Variants in HDAC9 observed in about 807,000 individuals in gnomAD.
HDAC9 encodes histone deacetylase 9, also known as MEF-2 interacting transcription repressor (MITR) protein.
A neutral mutation model predicts 139.4 loss-of-function variants in HDAC9; 41 were observed. The ratio of observed to expected loss-of-function variants is 0.29; its 90% CI spans 0.23 to 0.38. HDAC9 has a LOEUF of 0.38. HDAC9 is among the 10% of genes least tolerant of loss of function. The pLI is 1.00. For missense variants in HDAC9, 1,147 were observed against 1,297.0 expected (o/e 0.88, Z 1.78); for synonymous variants, 517 against 476.2 (o/e 1.09, Z -1.12).
intron 1 of HDAC9, among the ~76,000 whole-genome samples, chr7:18,140,789 C>T (rs1451110887): frequency 6.6e-6 from 1 of 151,700 alleles, no homozygotes; most frequent in Non-Finnish European, 1.5e-5. Flanking sequence ...TATATATATT[C>T]TGTTTTTTAT....
intron 22 of HDAC9, among the ~76,000 whole-genome samples, chr7:18,924,546 A>T (rs1804042218): frequency 6.6e-6 from 1 of 152,112 alleles, no homozygotes; most frequent in Non-Finnish European, 1.5e-5. Context: ...TGGGAAATGC[A>T]ATTCCAAGGA....
intron 1 of HDAC9, among the ~76,000 whole-genome samples, chr7:18,354,767 T>C (rs906889974): frequency 3.3e-5 from 5 of 152,312 alleles, no homozygotes; most frequent in African/African-American, 1.2e-4. Flanking sequence ...AAAAGGCAAT[T>C]CATCAATTGG....
intron 16 of HDAC9, among the ~76,000 whole-genome samples, chr7:18,791,119 G>A (rs1792268391): frequency 6.6e-6 from 1 of 152,128 alleles, no homozygotes; most frequent in African/African-American, 2.4e-5. Flanking sequence ...AGCACTCTCT[G>A]CTGCTGGAAT....
rs145221342 is a variant in HDAC9 at position 18,459,507 on chromosome 7, A to G, written c.-41-36755A>G. ...ATTTGTCTTCTGGGGAAGCAATTTTATAACAGGTAATGTAAGCTTCCTTTG... is the reference window on the plus strand; with the variant it reads ...ATTTGTCTTCTGGGGAAGCAATTTTGTAACAGGTAATGTAAGCTTCCTTTG... On this transcript the variant is annotated intron_variant, in intron 1 of 3. Transcript: ENST00000413509. Among the ~76,000 whole-genome samples the G allele has an allele frequency of 5.7e-3, 873 of 152,194 alleles. 8 individuals carry two copies. The Middle Eastern group carries it at 0.061, about 11-fold the overall frequency.
intron 15 of HDAC9, 55 bp from the exon 16 acceptor site, chr7:18,767,051 T>C: frequency 1.2e-6 from 1 of 852,956 alleles, no homozygotes; most frequent in African/African-American, 1.8e-5. Flanking sequence ...GCCAACATTT[T>C]AAAAATTATA....
intron 1 of HDAC9, among the ~76,000 whole-genome samples, chr7:18,155,369 A>G (rs902223763): frequency 2.0e-5 from 3 of 152,160 alleles, no homozygotes; most frequent in African/African-American, 7.2e-5. Context: ...CCCAGTGTTT[A>G]AAAATCAAGG....
intron 2 of HDAC9, among the ~76,000 whole-genome samples, chr7:18,245,348 T>C (rs527815324): frequency 1.3e-5 from 2 of 152,310 alleles, no homozygotes; most frequent in African/African-American, 2.4e-5. Flanking sequence ...ACCCCTGACT[T>C]TTCTATGTAT....
chr7:18,963,381 A>C (rs1448440904), intron 24 of HDAC9, among the ~76,000 whole-genome samples: 1 of 152,196 alleles, frequency 6.6e-6, no homozygotes, highest in African/African-American at 2.4e-5. Context: ...ATGTATTTCT[A>C]ATTTAGACCC....
intron 24 of HDAC9, among the ~76,000 whole-genome samples, chr7:18,973,747 T>G (rs556117069): frequency 7.5e-4 from 114 of 152,310 alleles, no homozygotes; most frequent in African/African-American, 2.3e-3. Flanking sequence ...ATTTTCAACC[T>G]CCCAAATCTC....
At chr7:18,365,946 TC>T (rs1784144015) in intron 1 of HDAC9, among the ~76,000 whole-genome samples, 1 of 135,500 alleles carries the variant, frequency 7.4e-6, no homozygotes, top group Admixed American at 7.2e-5. Flanking sequence ...AGTGTTGTTT[TC>T]AGTTGTTTTT....
At chr7:18,273,171 A>G (rs1321279938) in intron 2 of HDAC9, among the ~76,000 whole-genome samples, 3 of 146,756 alleles carry the variant, frequency 2.0e-5, no homozygotes, top group Non-Finnish European at 4.5e-5. Flanking sequence ...TAAGCTAGCC[A>G]TCCTCCCACC....
At chr7:18,752,910 C>A (rs1299418492) in intron 14 of HDAC9, among the ~76,000 whole-genome samples, 1 of 152,046 alleles carries the variant, frequency 6.6e-6, no homozygotes, top group East Asian at 1.9e-4. Context: ...ACAGATTGCT[C>A]AGATCTAAAC....
intron 22 of HDAC9, among the ~76,000 whole-genome samples, chr7:18,901,125 C>A (rs981418773): frequency 6.6e-6 from 1 of 150,566 alleles, no homozygotes; most frequent in Non-Finnish European, 1.5e-5. Flanking sequence ...ACAGAGATTC[C>A]CAAAAAGATA....
At chr7:18,703,317 T>C (rs1783647108) in intron 12 of HDAC9, among the ~76,000 whole-genome samples, 1 of 152,156 alleles carries the variant, frequency 6.6e-6, no homozygotes, top group Non-Finnish European at 1.5e-5. Flanking sequence ...TATCCCTGAC[T>C]TCCTATTTTC....
intron 2 of HDAC9, among the ~76,000 whole-genome samples, chr7:18,270,758 G>A (rs954692271): frequency 4.6e-5 from 7 of 152,076 alleles, no homozygotes; most frequent in Admixed American, 3.9e-4. Context: ...ACTAATTATT[G>A]AGAAGATGCC....
intron 16 of HDAC9, among the ~76,000 whole-genome samples, chr7:18,790,575 C>T (rs542809710): frequency 6.6e-6 from 1 of 152,220 alleles, no homozygotes; most frequent in African/African-American, 2.4e-5. Context: ...TTATGGCAAC[C>T]TGAATGGACA....
chr7:18,974,055 A>G (rs1585448082), intron 24 of HDAC9, among the ~76,000 whole-genome samples: 1 of 151,936 alleles, frequency 6.6e-6, no homozygotes, highest in South Asian at 2.1e-4. Flanking sequence ...CATCCATCCC[A>G]CTCCAGACTC....
At chr7:18,393,281 T>C (rs767877028) in intron 1 of HDAC9, among the ~76,000 whole-genome samples, 1 of 152,056 alleles carries the variant, frequency 6.6e-6, no homozygotes, top group Non-Finnish European at 1.5e-5. Flanking sequence ...AAACATAAAA[T>C]TGGTCAAAAT....
intron 22 of HDAC9, among the ~76,000 whole-genome samples, chr7:18,898,301 A>G (rs1801396434): frequency 6.6e-6 from 1 of 151,954 alleles, no homozygotes. Flanking sequence ...TACCTGGTTG[A>G]GTAAAGACCT....
Sources: allele counts gnomAD v4.1 joint callset (sites outside exome capture counted in the v4.1 genomes callset), GRCh38; gene constraint gnomAD v4.1.1; transcripts MANE v1.5; gene names NCBI Gene and HGNC (gene_info 2026-07-23, HGNC 2026-07-21).